Variants in MTMR8 observed in about 807,000 individuals in gnomAD.
MTMR8 encodes the protein phosphatidylinositol-3,5-bisphosphate 3-phosphatase MTMR8.
Under a neutral mutation model 39.3 loss-of-function variants are expected in MTMR8, and 65 were observed. That is an observed-to-expected ratio of 1.65 (90% confidence interval 1.35 to 2.03). The LOEUF (loss-of-function observed/expected upper bound fraction) is 2.03. Ranked by LOEUF, MTMR8 falls within the 30% of genes most tolerant of loss-of-function variation. The probability of loss-of-function intolerance (pLI) is 0.00; values close to 1 mark genes in which losing one functional copy is unlikely to be tolerated. For synonymous variants in MTMR8, 245 were observed against 185.2 expected (o/e 1.32, Z -2.62); for missense variants, 777 against 538.9 (o/e 1.44, Z -4.37).
chrX:64,376,442 C>A (rs1216256627), intron 1 of MTMR8, among the ~76,000 whole-genome samples: 1 of 112,093 alleles, frequency 8.9e-6, no homozygotes, highest in Non-Finnish European at 1.9e-5. Context: ...GTAAAAGTCA[C>A]TCTTGCTATG....
intron 12 of MTMR8, among the ~76,000 whole-genome samples, chrX:64,302,521 G>T (rs1370434794): frequency 8.9e-6 from 1 of 111,923 alleles, no homozygotes; most frequent in Non-Finnish European, 1.9e-5. Context: ...GAAATCACCC[G>T]TCTTATGCGT....
chrX:64,279,976 C>A (rs1262057916), intron 12 of MTMR8, among the ~76,000 whole-genome samples: 1 of 112,064 alleles, frequency 8.9e-6, no homozygotes, highest in Non-Finnish European at 1.9e-5. Flanking sequence ...TGGACACATA[C>A]ACCCTCCCAA....
intron 2 of MTMR8, among the ~76,000 whole-genome samples, chrX:64,356,953 A>T (rs891353409): frequency 9.0e-6 from 1 of 111,634 alleles, no homozygotes; most frequent in Non-Finnish European, 1.9e-5. Flanking sequence ...TGGAATAAGG[A>T]TTTAACTAGA....
rs769290498 is a variant in MTMR8, at chrX:64,374,717, T to C, written c.25-15190A>G. ...CCTGGACCCTGTGAATGTTACCCTA[T>C]TTGGAAAAGGGGTCTTTGCAGATAT... is the stretch of plus-strand genomic sequence containing the variant. On this transcript the variant is annotated intron_variant, in intron 1 of 13. Coordinates refer to ENST00000374852, the MANE Select transcript of MTMR8 (RefSeq NM_017677.4). 2.7e-5 allele frequency among the ~76,000 whole-genome samples: 3 copies of C among 111,160 alleles called. No homozygotes were observed. In the East Asian group the frequency reaches 8.5e-4, roughly 32 times the overall value.
chrX:64,303,106 C>A (rs1316705148), intron 12 of MTMR8, among the ~76,000 whole-genome samples: 2 of 112,419 alleles, frequency 1.8e-5, no homozygotes, highest in Non-Finnish European at 3.8e-5. Flanking sequence ...ATAATCCCCA[C>A]CAGGAAGGCA....
chrX:64,360,761 C>T (rs1264440662), intron 1 of MTMR8, among the ~76,000 whole-genome samples: 2 of 111,361 alleles, frequency 1.8e-5, no homozygotes, highest in Non-Finnish European at 3.8e-5. Flanking sequence ...AATAAAAACA[C>T]AACAAATAAA....
In MTMR8 at chrX:64,268,364, T is replaced by C. The variant is rs947215015; in HGVS notation, c.*173A>G. 1 of 489,484 alleles carries C rather than the reference T, an allele frequency of 2.0e-6. No individual in the cohort carries two copies. The allele number at this position is 489,484 out of a possible 1,213,427, so 40.3% of individuals were successfully genotyped here. A position where few individuals can be genotyped will look rare whatever the true frequency, so the allele number is the denominator to read the frequency against. On this transcript the variant is annotated 3_prime_UTR_variant, in exon 14 of 14. Transcript: ENST00000374852. The stretch of plus-strand genomic sequence containing the variant: ...TGCCTACACTCTGTACTGCTTAATA[T>C]GAACATATTGGTCACTTAATCAGTA...
chrX:64,363,168 G>T (rs941907278), intron 1 of MTMR8, among the ~76,000 whole-genome samples: 1 of 111,132 alleles, frequency 9.0e-6, no homozygotes, highest in Non-Finnish European at 1.9e-5. Flanking sequence ...GGGCAATCTG[G>T]CACTACTTAA....
intron 12 of MTMR8, among the ~76,000 whole-genome samples, chrX:64,298,532 A>G (rs1921714636): frequency 1.2e-5 from 1 of 84,224 alleles, no homozygotes; most frequent in Admixed American, 1.1e-4. Flanking sequence ...AAACAGGGAC[A>G]ATTTGACTTC....
At chrX:64,289,938 G>T (rs775850950) in intron 12 of MTMR8, among the ~76,000 whole-genome samples, 2 of 110,828 alleles carry the variant, frequency 1.8e-5, no homozygotes, top group South Asian at 7.7e-4. Context: ...TGAGGTACCT[G>T]GTCAAGTCAT....
intron 13 of MTMR8, among the ~76,000 whole-genome samples, chrX:64,269,257 T>TA (rs749350691): frequency 8.9e-6 from 1 of 111,806 alleles, no homozygotes; most frequent in African/African-American, 3.3e-5. Context: ...CTTATATCTA[T>TA]AAAAGTCATC....
chrX:64,292,477 A>C (rs1921435021), intron 12 of MTMR8, among the ~76,000 whole-genome samples: 1 of 110,692 alleles, frequency 9.0e-6, no homozygotes, highest in Non-Finnish European at 1.9e-5. Context: ...GTAGAAACTC[A>C]AACTCCTGCA....
At chrX:64,347,043 C>T (rs1194542176) in intron 6 of MTMR8, among the ~76,000 whole-genome samples, 1 of 110,874 alleles carries the variant, frequency 9.0e-6, no homozygotes, top group Admixed American at 9.7e-5. Flanking sequence ...AGAGATGAAC[C>T]AATTTGCCCA....
chrX:64,372,335 T>C (rs1924150140), intron 1 of MTMR8, among the ~76,000 whole-genome samples: 1 of 111,259 alleles, frequency 9.0e-6, no homozygotes, highest in Non-Finnish European at 1.9e-5. Context: ...TAGTTATACA[T>C]GTATACCAGG....
intron 12 of MTMR8, among the ~76,000 whole-genome samples, chrX:64,304,227 T>G (rs1360692819): frequency 9.0e-6 from 1 of 111,631 alleles, no homozygotes; most frequent in Non-Finnish European, 1.9e-5. Flanking sequence ...AGTTGCAGAG[T>G]AAACAAATGT....
Position 64,268,235 on chromosome X carries a change from A to G in MTMR8, c.*302T>C. 1.0e-5 allele frequency: 3 copies of G among 293,720 alleles called. No homozygotes were observed. In the East Asian group the frequency reaches 1.7e-4, roughly 17 times the overall value. The allele number at this position is 293,720 out of a possible 1,213,427, so 24.2% of individuals were successfully genotyped here. A position where few individuals can be genotyped will look rare whatever the true frequency, so the allele number is the denominator to read the frequency against. Reference sequence around the variant, plus strand: ...GGATAGAAAATAGGGCAGGTCGATCATTAAGGAAAACAGACAGTAGAACCA... The same window carrying G: ...GGATAGAAAATAGGGCAGGTCGATCGTTAAGGAAAACAGACAGTAGAACCA... On this transcript the variant is annotated 3_prime_UTR_variant, in exon 14 of 14. Coordinates refer to ENST00000374852, the MANE Select transcript of MTMR8 (RefSeq NM_017677.4).
chrX:64,356,204 A>G lies in MTMR8; in HGVS notation c.282T>C (p.Tyr94=). The change falls in exon 3 of 14, where the codon TAT becomes TAC. Residue 94 remains tyrosine, a synonymous_variant. Coordinates refer to ENST00000374852, the MANE Select transcript of MTMR8 (RefSeq NM_017677.4). ...LDSDLVCHEV[Y]ISLLKLSQPA... is the part of the protein sequence containing the mutation. ...GCTGAGAAAGCTTGAGCAGTGAAAT[A>G]TAAACCTCATGGCACACAAGGTCAG... 3 of 1,208,075 alleles carry G rather than the reference A, an allele frequency of 2.5e-6. No homozygotes were observed. The highest frequency in any genetic ancestry group is 1.8e-5 in the South Asian group (1 of 56,162).
intron 8 of MTMR8, among the ~76,000 whole-genome samples, chrX:64,340,128 A>G (rs745354276): frequency 9.0e-6 from 1 of 111,572 alleles, no homozygotes; most frequent in African/African-American, 3.3e-5. Context: ...GAGTGGAAGG[A>G]TAAGAGACAA....
chrX:64,283,722 G>A (rs1921046507), intron 12 of MTMR8, among the ~76,000 whole-genome samples: 1 of 112,548 alleles, frequency 8.9e-6, no homozygotes, highest in African/African-American at 3.2e-5. Context: ...AGGGTCTGGA[G>A]TGGACCTCCA....
Sources: allele counts gnomAD v4.1 joint callset (sites outside exome capture counted in the v4.1 genomes callset), GRCh38; gene constraint gnomAD v4.1.1; transcripts MANE v1.5; gene names NCBI Gene and HGNC (gene_info 2026-07-23, HGNC 2026-07-21).